The following MACROD1 variants were observed in gnomAD, a reference collection of about 807,000 sequenced individuals.
MACROD1 encodes the protein ADP-ribose glycohydrolase MACROD1.
MACROD1 carries 31 observed loss-of-function variants against 41.4 expected under a neutral mutation model. That is an observed-to-expected ratio of 0.75 (90% confidence interval 0.56 to 1.01). MACROD1 has a LOEUF of 1.01. Ranked by LOEUF, MACROD1 falls within the 50% of genes least tolerant of loss-of-function variation. MACROD1 has a pLI of 0.00. For missense variants in MACROD1, 473 were observed against 460.0 expected, an observed-to-expected ratio of 1.03 and a Z score of -0.26; for synonymous variants, 252 against 203.4, an observed-to-expected ratio of 1.24 and a Z score of -2.03.
chr11:64,021,932 C>CGGGGG (rs1943158671), intron 3 of MACROD1, among the ~76,000 whole-genome samples: 1 of 5,078 alleles, frequency 2.0e-4, no homozygotes, highest in Non-Finnish European at 6.2e-4. Context: ...TGGCAGGGGG[C>CGGGGG]CGGGGGGGGG....
At chr11:64,038,254 G>T (rs548502933) in intron 3 of MACROD1, among the ~76,000 whole-genome samples, 1 of 152,348 alleles carries the variant, frequency 6.6e-6, no homozygotes, top group South Asian at 2.1e-4. Flanking sequence ...CCTGGTGGCT[G>T]AGCCTGTGTC....
intron 3 of MACROD1, among the ~76,000 whole-genome samples, chr11:64,093,655 T>C (rs1008939343): frequency 6.6e-6 from 1 of 152,246 alleles, no homozygotes; most frequent in Non-Finnish European, 1.5e-5. Context: ...GACTGCCCTC[T>C]TCCCTGGACA....
intron 3 of MACROD1, among the ~76,000 whole-genome samples, chr11:64,110,957 G>T (rs1230437187): frequency 1.3e-5 from 2 of 152,208 alleles, no homozygotes; most frequent in African/African-American, 4.8e-5. Context: ...TGGCCTTGGG[G>T]AGGGGGGCGG....
chr11:64,023,154 C>T lies in MACROD1; in HGVS notation c.518-7873G>A, dbSNP rs574576647. 6.2e-4 allele frequency among the ~76,000 whole-genome samples: 95 copies of T among 152,290 alleles called. 3 individuals carry two copies. Among genetic ancestry groups the T allele is most frequent in the Admixed American group, 3.3e-3 (51 of 15,294 alleles). On this transcript the variant is annotated intron_variant, in intron 3 of 10. Transcript: ENST00000255681. ...TGGGATTACAGGTGAGCCACCACGC[C>T]TGGCCTCCACATGGATCTTTGACCA...
chr11:64,032,426 G>C (rs1382069914), intron 3 of MACROD1, among the ~76,000 whole-genome samples: 2 of 152,106 alleles, frequency 1.3e-5, no homozygotes, highest in Non-Finnish European at 2.9e-5. Flanking sequence ...TGGCGAGCAG[G>C]ACCCAGATTT....
chr11:64,079,685 G>C (rs1346729023), intron 3 of MACROD1, among the ~76,000 whole-genome samples: 3 of 152,128 alleles, frequency 2.0e-5, no homozygotes, highest in African/African-American at 7.2e-5. Context: ...GAGGAGGTGT[G>C]GTTGGGGAAA....
chr11:64,148,056 T>C (rs1187713559), intron 3 of MACROD1, among the ~76,000 whole-genome samples: 1 of 151,946 alleles, frequency 6.6e-6, no homozygotes, highest in African/African-American at 2.4e-5. Context: ...CGATTCTCAA[T>C]GGCCTGACGG....
chr11:64,028,644 C>T (rs556559320), intron 3 of MACROD1, among the ~76,000 whole-genome samples: 62 of 152,270 alleles, frequency 4.1e-4, no homozygotes, highest in African/African-American at 1.4e-3. Context: ...GCAACCCCAT[C>T]GCGCCCCGCC....
Position 64,017,774 on chromosome 11 carries a change from A to AC in MACROD1, c.518-2494dup, listed in dbSNP as rs367806794. Among the ~76,000 whole-genome samples the AC allele has an allele frequency of 8.4e-3, 1,268 of 150,062 alleles. 20 individuals carry two copies. Among genetic ancestry groups the AC allele is most frequent in the African/African-American group, 0.029 (1,191 of 40,572 alleles). On this transcript the variant is annotated intron_variant, in intron 3 of 10. Coordinates refer to ENST00000255681, the MANE Select transcript of MACROD1 (RefSeq NM_014067.4). ...GCGGTCGGCAGCTGCCCTCCTCGGG[A>AC]CCCCCCCACCTCCCCCCATCACCTC...
chr11:64,046,180 TGAGCCTCTGTTCTCCA>T (rs1565207797), intron 3 of MACROD1, among the ~76,000 whole-genome samples: 1 of 152,190 alleles, frequency 6.6e-6, no homozygotes, highest in African/African-American at 2.4e-5. Flanking sequence ...TCTGGCCTCC[TGAGCCTCTGTTCTCCA>T]GAGCAGCCGA....
At chr11:64,019,213 T>G (rs745340351) in intron 3 of MACROD1, among the ~76,000 whole-genome samples, 22 of 152,190 alleles carry the variant, frequency 1.4e-4, no homozygotes, top group African/African-American at 4.1e-4. Flanking sequence ...CCCATCGGGT[T>G]CCCCCCGCCC....
chr11:64,051,164 C>T (rs1396230580), intron 3 of MACROD1, among the ~76,000 whole-genome samples: 1 of 152,236 alleles, frequency 6.6e-6, no homozygotes, highest in Non-Finnish European at 1.5e-5. Context: ...CACCTAGCCA[C>T]CTTACTAGGC....
Position 64,104,429 on chromosome 11 carries a change from T to TTTACCCAGCAGCTGGACC in MACROD1, c.517+46809_517+46810insGGTCCAGCTGCTGGGTAA, listed in dbSNP as rs768489486. On this transcript the variant is annotated intron_variant, in intron 3 of 10. Transcript: ENST00000255681. ...CCTGGTGGTCCCCGTGCTGCTGGGC[T>TTTACCCAGCAGCTGGACC]CTACCCAGCAGCTGGACCCAGGATG... Among the ~76,000 whole-genome samples the TTTACCCAGCAGCTGGACC allele has an allele frequency of 2.1e-3, 322 of 152,144 alleles. 2 individuals carry two copies. Among genetic ancestry groups the TTTACCCAGCAGCTGGACC allele is most frequent in the Middle Eastern group, 3.4e-3 (1 of 294 alleles).
At position 64,067,665 on chromosome 11, in the gene MACROD1, G is replaced by A. The variant is rs1944029802; in HGVS notation, c.518-52384C>T. Among the ~76,000 whole-genome samples the A allele has an allele frequency of 6.6e-6, 1 of 152,168 alleles. No individual in the cohort carries two copies. ...CACAGGGTCCCCAAGCAGGCAGCTG[G>A]AGGGCTGGGGTGCCTGGAGCTGCCC... On this transcript the variant is annotated intron_variant, in intron 3 of 10. Transcript: ENST00000255681. This position sits in a 1 kb window ranked among gnomAD's most constrained non-coding sequence, Gnocchi z 4.6.
intron 3 of MACROD1, among the ~76,000 whole-genome samples, chr11:64,138,906 T>C (rs1945370572): frequency 6.6e-6 from 1 of 152,098 alleles, no homozygotes; most frequent in Non-Finnish European, 1.5e-5. Flanking sequence ...TAGCTGGGAT[T>C]ACAGGCACCT....
chr11:64,092,809 G>A (rs886348846), intron 3 of MACROD1, among the ~76,000 whole-genome samples: 2 of 152,244 alleles, frequency 1.3e-5, no homozygotes, highest in Non-Finnish European at 2.9e-5. Context: ...CCCAAGCATG[G>A]TTTGAAGAAG....
chr11:64,125,395 G>A (rs1353771516), intron 3 of MACROD1, among the ~76,000 whole-genome samples: 1 of 152,174 alleles, frequency 6.6e-6, no homozygotes, highest in East Asian at 1.9e-4. Context: ...AGGGTCACTG[G>A]GGCCCAGCAC....
chr11:64,117,496 T>A lies in MACROD1; in HGVS notation c.517+33743A>T, dbSNP rs914896380. 15 of 1,611,220 alleles carry A rather than the reference T, an allele frequency of 9.3e-6. No individual in the cohort carries two copies. Among genetic ancestry groups the A allele is most frequent in the African/African-American group, 1.3e-5 (1 of 75,022 alleles). The stretch of plus-strand genomic sequence containing the variant: ...GCCACCACGCCCCAGGGTTCCCTGT[T>A]TACCCTCAAGGCCAAAAGGCCAGGG... On this transcript the variant is annotated intron_variant, in intron 3 of 10. Coordinates refer to ENST00000255681, the MANE Select transcript of MACROD1 (RefSeq NM_014067.4).
chr11:64,116,288 CG>C, intron 3 of MACROD1: 1 of 1,600,774 alleles, frequency 6.2e-7, no homozygotes. Context: ...CACACCCCAC[CG>C]CCACTGCCAC....
Sources: allele counts gnomAD v4.1 joint callset (sites outside exome capture counted in the v4.1 genomes callset), GRCh38; gene constraint gnomAD v4.1.1; non-coding constraint Gnocchi (gnomAD v3.1); transcripts MANE v1.5; gene names NCBI Gene and HGNC (gene_info 2026-07-23, HGNC 2026-07-21).